NPL: variants seen among roughly 807,000 people sequenced by gnomAD.
NPL encodes the protein N-acetylneuraminate lyase.
In NPL, 32 loss-of-function variants were observed where a neutral mutation model predicts 41.1. The observed-to-expected ratio is 0.78, with a 90% CI of 0.59 to 1.05. NPL has a LOEUF of 1.05. NPL is among the 50% of genes least tolerant of loss of function. The probability of loss-of-function intolerance (pLI) is 0.00; values close to 1 mark genes in which losing one functional copy is unlikely to be tolerated. For missense variants in NPL, 321 were observed against 378.4 expected, an observed-to-expected ratio of 0.85 and a Z score of 1.26; for synonymous variants, 128 against 134.9, an observed-to-expected ratio of 0.95 and a Z score of 0.35.
intron 5 of NPL, among the ~76,000 whole-genome samples, chr1:182,810,889 A>G (rs1327653713): frequency 6.6e-6 from 1 of 152,178 alleles, no homozygotes; most frequent in Non-Finnish European, 1.5e-5. Flanking sequence ...TAAAGGTGTT[A>G]AGTGCCTTTC....
intron 10 of NPL, 81 bp downstream of exon 10, chr1:182,818,940 T>C: frequency 1.7e-6 from 2 of 1,153,826 alleles, no homozygotes; most frequent in Non-Finnish European, 2.6e-6. Context: ...ATTTCTTGCA[T>C]GTGTATCCTT....
rs190737323 is a variant in NPL, at chr1:182,791,931, G to A, written c.-71-301G>A. Among the ~76,000 whole-genome samples the A allele has an allele frequency of 3.5e-3, 527 of 152,282 alleles. 9 individuals carry two copies. Among genetic ancestry groups the A allele is most frequent in the African/African-American group, 0.012 (504 of 41,554 alleles). On this transcript the variant is annotated intron_variant, in intron 1 of 12. Transcript: ENST00000367553. ...GGTAACGAAGGGAAAAATTATAAAG[G>A]CGAAAGGAGGAATAGCAGGGGAAGA... is the stretch of plus-strand genomic sequence containing the variant.
intron 5 of NPL, among the ~76,000 whole-genome samples, chr1:182,807,970 G>A (rs1667071439): frequency 6.7e-6 from 1 of 149,928 alleles, no homozygotes; most frequent in South Asian, 2.2e-4. Context: ...TCAGAGGGTA[G>A]GAGGCCAGTT....
At chr1:182,827,620 A>T (rs950870) in intron 12 of NPL, among the ~76,000 whole-genome samples, 16,361 of 151,758 alleles carry the variant, frequency 0.11, 1,301 homozygotes, top group African/African-American at 0.21. Context: ...AAATATATAT[A>T]TTTTTTTCAG....
chr1:182,798,233 CTTTT>C (rs58974453), intron 3 of NPL, among the ~76,000 whole-genome samples: 2 of 130,024 alleles, frequency 1.5e-5, no homozygotes, highest in East Asian at 2.2e-4. Flanking sequence ...GAAAGACTTG[CTTTT>C]TTTTTTTTTT....
chr1:182,801,341 T>G (rs2102535667), intron 3 of NPL, among the ~76,000 whole-genome samples: 1 of 152,162 alleles, frequency 6.6e-6, no homozygotes, highest in South Asian at 2.1e-4. Flanking sequence ...CTGAGTGAAA[T>G]TGTCAGCTGA....
At chr1:182,821,002 G>A (rs537478594) in intron 10 of NPL, among the ~76,000 whole-genome samples, 5 of 152,168 alleles carry the variant, frequency 3.3e-5, no homozygotes, top group African/African-American at 9.6e-5. Context: ...GTTAGACTTC[G>A]TTTCTCCCTA....
chr1:182,824,670 G>A (rs1255197626), intron 11 of NPL, among the ~76,000 whole-genome samples: 4 of 152,134 alleles, frequency 2.6e-5, no homozygotes, highest in East Asian at 3.9e-4. Context: ...GGTGGCGGGC[G>A]CCTGTAGTCC....
chr1:182,806,452 C>G, intron 5 of NPL: 3 of 1,536,592 alleles, frequency 2.0e-6, no homozygotes, highest in East Asian at 2.4e-5. Context: ...CACCTGCCAC[C>G]CAGAGGTTCC....
At position 182,806,212 on chromosome 1, in the gene NPL, G is replaced by A. The variant is rs756384943; in HGVS notation, c.210G>A (p.Trp70Ter). 3.7e-6 allele frequency: 6 copies of A among 1,614,188 alleles called. No individual in the cohort carries two copies. In the South Asian group the frequency reaches 5.5e-5, roughly 15 times the overall value. ...VSERRQVAEE[W>*]VTKGKDKLDQ... ...AGCGTCGCCAGGTTGCAGAGGAGTGGGTGACAAAAGGGAAGGACAAGTGAG... is the reference window on the plus strand; with the variant it reads ...AGCGTCGCCAGGTTGCAGAGGAGTGAGTGACAAAAGGGAAGGACAAGTGAG... The change falls in exon 5 of 13, where the codon TGG becomes TGA. Residue 70 changes from tryptophan to a stop codon, truncating the protein, a stop_gained. Transcript: ENST00000367553. LOFTEE classifies it high-confidence loss of function.
chr1:182,803,890 T>C, intron 4 of NPL, 119 bp downstream of exon 4: 1 of 796,136 alleles, frequency 1.3e-6, no homozygotes, highest in Non-Finnish European at 2.2e-6. Flanking sequence ...TGATGGAGCC[T>C]GGCTAAGCTA....
chr1:182,807,621 A>T (rs1447188575), intron 5 of NPL, among the ~76,000 whole-genome samples: 1 of 151,662 alleles, frequency 6.6e-6, no homozygotes, highest in Non-Finnish European at 1.5e-5. Context: ...TCATGCCTGT[A>T]ATCCCAGCAC....
At chr1:182,800,445 A>C (rs1242503361) in intron 3 of NPL, among the ~76,000 whole-genome samples, 1 of 151,182 alleles carries the variant, frequency 6.6e-6, no homozygotes, top group Non-Finnish European at 1.5e-5. Context: ...CAAAAAAAAA[A>C]AAAAAAAAAA....
chr1:182,794,343 G>T lies in NPL; in HGVS notation c.-16-13G>T, dbSNP rs765582436. 5.6e-6 allele frequency: 9 copies of T among 1,606,582 alleles called. No individual in the cohort carries two copies. The highest frequency in any genetic ancestry group is 1.7e-5 in the Admixed American group (1 of 60,016). ...CTTGAAGAAAGAGAGAAATTACATT[G>T]TATGTTTTCCAGACCTACCAGCAGC... is the stretch of plus-strand genomic sequence containing the variant. On this transcript the variant is annotated splice_polypyrimidine_tract_variant and intron_variant, in intron 2 of 12. Coordinates refer to ENST00000367553, the MANE Select transcript of NPL (RefSeq NM_030769.3).
At chr1:182,804,845 C>T (rs1192414214) in intron 4 of NPL, among the ~76,000 whole-genome samples, 1 of 152,186 alleles carries the variant, frequency 6.6e-6, no homozygotes, top group Non-Finnish European at 1.5e-5. Context: ...CTCAATGTCC[C>T]TCTACAGCGC....
intron 3 of NPL, among the ~76,000 whole-genome samples, chr1:182,797,977 C>T (rs540985751): frequency 6.6e-6 from 1 of 152,174 alleles, no homozygotes; most frequent in South Asian, 2.1e-4. Context: ...TGCTGATAGT[C>T]GAGAAAAAGG....
At chr1:182,812,291 T>TAG in intron 6 of NPL, 78 bp downstream of exon 6, 2 of 1,267,222 alleles carry the variant, frequency 1.6e-6, no homozygotes, top group Non-Finnish European at 2.3e-6. Context: ...CAGTACTATA[T>TAG]TTGCTATGTA....
intron 4 of NPL, 99 bp from the exon 5 acceptor site, chr1:182,806,046 A>T (rs563498115): frequency 7.2e-7 from 1 of 1,392,326 alleles, no homozygotes; most frequent in Non-Finnish European, 1.0e-6. Context: ...CCTCCTGACC[A>T]TCCTCAGTGC....
intron 7 of NPL, 125 bp downstream of exon 7, chr1:182,814,983 G>A (rs1667284006): frequency 4.1e-6 from 3 of 736,092 alleles, no homozygotes; most frequent in Non-Finnish European, 7.1e-6. Flanking sequence ...AGTCGCAATG[G>A]TACAGTGGTT....
Sources: allele counts gnomAD v4.1 joint callset (sites outside exome capture counted in the v4.1 genomes callset), GRCh38; gene constraint gnomAD v4.1.1; transcripts MANE v1.5; gene names NCBI Gene and HGNC (gene_info 2026-07-23, HGNC 2026-07-21).